Variants in CSMD1 observed in about 807,000 individuals in gnomAD.
The protein encoded by CSMD1 is CUB and sushi domain-containing protein 1.
Under a neutral mutation model 417.5 loss-of-function variants are expected in CSMD1, and 213 were observed. The ratio of observed to expected loss-of-function variants is 0.51; its 90% CI spans 0.46 to 0.57. CSMD1 has a LOEUF of 0.57. Among genes scored for constraint, CSMD1 ranks in the 20% least tolerant of loss-of-function variants. The pLI is 0.00. For missense variants in CSMD1, 6,923 were observed against 4,529.7 expected (o/e 1.53, Z -15.17); for synonymous variants, 2,862 against 1,736.8 (o/e 1.65, Z -16.11).
intron 12 of CSMD1, among the ~76,000 whole-genome samples, chr8:3,436,281 A>T (rs899230431): frequency 6.6e-6 from 1 of 152,366 alleles, no homozygotes; most frequent in African/African-American, 2.4e-5. Flanking sequence ...ATAGTAAGAT[A>T]CATCCCATAT....
intron 3 of CSMD1, among the ~76,000 whole-genome samples, chr8:4,229,197 C>G (rs1473980166): frequency 6.6e-6 from 1 of 152,178 alleles, no homozygotes; most frequent in Admixed American, 6.5e-5. Context: ...TCCTCCTTTT[C>G]TGTCAAATAC....
chr8:2,962,740 T>C, intron 60 of CSMD1, 101 bp from the exon 61 acceptor site: 2 of 1,250,604 alleles, frequency 1.6e-6, no homozygotes, highest in Non-Finnish European at 2.2e-6. Context: ...TAGCTTTAAC[T>C]ATTAAACAAG....
intron 3 of CSMD1, among the ~76,000 whole-genome samples, chr8:4,124,628 C>T (rs1444847734): frequency 2.0e-5 from 3 of 152,162 alleles, no homozygotes; most frequent in Non-Finnish European, 4.4e-5. Flanking sequence ...CCAGACCTCA[C>T]TGGCAAGGCC....
chr8:4,409,531 G>C (rs1173183948), intron 3 of CSMD1, among the ~76,000 whole-genome samples: 1 of 152,054 alleles, frequency 6.6e-6, no homozygotes, highest in Non-Finnish European at 1.5e-5. Context: ...TATGTAACTA[G>C]GCAGCTCATT....
chr8:3,661,674 T>G (rs1585035505), intron 7 of CSMD1, among the ~76,000 whole-genome samples: 1 of 152,188 alleles, frequency 6.6e-6, no homozygotes, highest in South Asian at 2.1e-4. Flanking sequence ...TTTTTGTATT[T>G]TTAGTAGAGA....
chr8:3,565,103 TCTTA>T (rs926647039), intron 10 of CSMD1, among the ~76,000 whole-genome samples: 5 of 86,182 alleles, frequency 5.8e-5, no homozygotes, highest in African/African-American at 9.9e-5. Flanking sequence ...AAAAAAATAC[TCTTA>T]CTTAACTCTG....
intron 5 of CSMD1, among the ~76,000 whole-genome samples, chr8:3,955,695 G>C (rs1252500590): frequency 6.6e-6 from 1 of 152,100 alleles, no homozygotes; most frequent in East Asian, 1.9e-4. Flanking sequence ...GAAAGAGGAT[G>C]AATACGTGGA....
intron 3 of CSMD1, among the ~76,000 whole-genome samples, chr8:4,295,868 C>G (rs1012207991): frequency 6.7e-6 from 1 of 149,274 alleles, no homozygotes; most frequent in Non-Finnish European, 1.5e-5. Context: ...TTATCCCAAA[C>G]AAGTACAATG....
chr8:3,898,654 G>A (rs1251177505), intron 5 of CSMD1, among the ~76,000 whole-genome samples: 1 of 152,154 alleles, frequency 6.6e-6, no homozygotes, highest in African/African-American at 2.4e-5. Flanking sequence ...GAATCCACAT[G>A]CAGACCTGGT....
chr8:3,558,891 G>T (rs1469281650), intron 10 of CSMD1, among the ~76,000 whole-genome samples: 2 of 152,108 alleles, frequency 1.3e-5, no homozygotes, highest in East Asian at 1.9e-4. Flanking sequence ...GTTGCTCAAG[G>T]TGTCTGAAAA....
chr8:3,357,801 C>G (rs1030837045), intron 21 of CSMD1, among the ~76,000 whole-genome samples: 5 of 152,112 alleles, frequency 3.3e-5, no homozygotes, highest in Admixed American at 1.3e-4. Flanking sequence ...CAAAATTTGC[C>G]TTCCATTCTC....
At chr8:4,144,711 G>T (rs1226019338) in intron 3 of CSMD1, among the ~76,000 whole-genome samples, 1 of 151,046 alleles carries the variant, frequency 6.6e-6, no homozygotes, top group Admixed American at 6.6e-5. Context: ...AAAGAGTGGA[G>T]ATTTCCTCAT....
intron 3 of CSMD1, among the ~76,000 whole-genome samples, chr8:4,316,396 G>A (rs937928140): frequency 2.0e-5 from 3 of 151,982 alleles, no homozygotes; most frequent in African/African-American, 7.3e-5. Context: ...TTAATTCTTG[G>A]ACTTACCAAG....
intron 50 of CSMD1, among the ~76,000 whole-genome samples, chr8:3,049,743 G>A (rs1811693224): frequency 1.3e-5 from 2 of 152,108 alleles, no homozygotes; most frequent in Admixed American, 1.3e-4. Flanking sequence ...CACCAAAAAT[G>A]AGCTCTCATG....
intron 1 of CSMD1, among the ~76,000 whole-genome samples, chr8:4,950,283 T>A (rs1808652987): frequency 6.6e-6 from 1 of 152,182 alleles, no homozygotes; most frequent in Admixed American, 6.6e-5. Context: ...TACTTTATGG[T>A]TAATTCTGAT....
intron 2 of CSMD1, among the ~76,000 whole-genome samples, chr8:4,588,050 A>C (rs1191846122): frequency 6.6e-6 from 1 of 152,180 alleles, no homozygotes; most frequent in African/African-American, 2.4e-5. Context: ...TAACAAAAGG[A>C]GCAAGGTAAA....
chr8:3,320,712 G>T, intron 23 of CSMD1, among the ~76,000 whole-genome samples: 1 of 152,252 alleles, frequency 6.6e-6, no homozygotes, highest in Middle Eastern at 3.4e-3. Context: ...AATTTCTGCT[G>T]AGTGGGTGAC....
intron 3 of CSMD1, among the ~76,000 whole-genome samples, chr8:4,127,170 T>C: frequency 6.6e-6 from 1 of 152,006 alleles, no homozygotes; most frequent in East Asian, 1.9e-4. Flanking sequence ...CAAAGGATAT[T>C]TAAAGTTCCT....
intron 4 of CSMD1, among the ~76,000 whole-genome samples, chr8:4,005,163 T>A (rs1009387399): frequency 3.3e-5 from 5 of 152,030 alleles, no homozygotes; most frequent in Admixed American, 3.3e-4. Flanking sequence ...GGAAAGGGGA[T>A]AAAAGACAAC....
Sources: allele counts gnomAD v4.1 joint callset (sites outside exome capture counted in the v4.1 genomes callset), GRCh38; gene constraint gnomAD v4.1.1; transcripts MANE v1.5; gene names NCBI Gene and HGNC (gene_info 2026-07-23, HGNC 2026-07-21).